The following SLCO1B1 variants were observed in gnomAD, a reference collection of about 807,000 sequenced individuals.
SLCO1B1 encodes OATP-2.
SLCO1B1 carries 81 observed loss-of-function variants against 70.1 expected under a neutral mutation model. The observed-to-expected ratio is 1.16, with a 90% confidence interval of 0.97 to 1.39. SLCO1B1 has a LOEUF of 1.39. Ranked by LOEUF, SLCO1B1 falls within the 40% of genes most tolerant of loss-of-function variation. The pLI, the probability that SLCO1B1 is intolerant of heterozygous loss-of-function variation, is 0.00. For synonymous variants in SLCO1B1, 283 were observed against 271.5 expected, an observed-to-expected ratio of 1.04 and a Z score of -0.42; for missense variants, 895 against 799.6, an observed-to-expected ratio of 1.12 and a Z score of -1.44.
rs534631301 is a variant in SLCO1B1 at position 21,201,974 on chromosome 12, C to T, written c.1136-517C>T. Among the ~76,000 whole-genome samples the T allele has an allele frequency of 1.1e-4, 16 of 152,106 alleles. No individual in the cohort carries two copies. In the South Asian group the frequency reaches 3.3e-3, roughly 32 times the overall value. On this transcript the variant is annotated intron_variant, in intron 9 of 14. Transcript: ENST00000256958. ...GGAACCAACCCAAATGACCACCAAT[C>T]ATAGACTGGATAAAGAAAATGTGGC...
intron 2 of SLCO1B1, 50 bp downstream of exon 2, chr12:21,141,708 T>G (rs1318131980): frequency 7.8e-6 from 9 of 1,156,278 alleles, no homozygotes; most frequent in Non-Finnish European, 1.0e-5. Context: ...TAGGGAACTT[T>G]AATGTATAGA....
chr12:21,155,295 A>G (rs544113007), intron 2 of SLCO1B1, among the ~76,000 whole-genome samples: 13 of 151,898 alleles, frequency 8.6e-5, no homozygotes, highest in South Asian at 6.2e-4. Flanking sequence ...GAAATAACCA[A>G]TTTTATTTTC....
intron 11 of SLCO1B1, 91 bp downstream of exon 11, chr12:21,206,124 C>T: frequency 9.4e-7 from 1 of 1,062,338 alleles, no homozygotes; most frequent in Non-Finnish European, 1.4e-6. Context: ...ACTAAGGACT[C>T]CATTAAAAAG....
intron 11 of SLCO1B1, among the ~76,000 whole-genome samples, chr12:21,216,494 A>G (rs1400781938): frequency 1.3e-5 from 2 of 152,138 alleles, no homozygotes; most frequent in Non-Finnish European, 2.9e-5. Flanking sequence ...TTGTTTCTAC[A>G]TTTTCCACTT....
chr12:21,147,881 C>G (rs1940409396), intron 2 of SLCO1B1, among the ~76,000 whole-genome samples: 1 of 152,148 alleles, frequency 6.6e-6, no homozygotes, highest in Non-Finnish European at 1.5e-5. Flanking sequence ...CTGTTGTTTC[C>G]TGACTTTTTA....
At chr12:21,205,255 C>T (rs1444840819) in intron 10 of SLCO1B1, among the ~76,000 whole-genome samples, 1 of 151,720 alleles carries the variant, frequency 6.6e-6, no homozygotes, top group Non-Finnish European at 1.5e-5. Flanking sequence ...TAATTTATAA[C>T]CATTTCATAA....
rs1428928942 is a variant in SLCO1B1 at position 21,224,704 on chromosome 12, T to C, written c.1748-18T>C. The C allele has an allele frequency of 7.4e-7, 1 of 1,358,824 alleles. No individual in the cohort carries two copies. Among genetic ancestry groups the C allele is most frequent in the Admixed American group, 1.7e-5 (1 of 59,628 alleles). The allele number at this position is 1,358,824 out of a possible 1,614,324, so 84.2% of individuals were successfully genotyped here. ...AAATATGTTCCCTAAACTGACATCT[T>C]CTCTTCTCCTATTACAGGAGGAATT... On this transcript the variant is annotated intron_variant, in intron 13 of 14. Transcript: ENST00000256958.
At chr12:21,218,790 T>C (rs1479900575) in intron 12 of SLCO1B1, among the ~76,000 whole-genome samples, 1 of 152,222 alleles carries the variant, frequency 6.6e-6, no homozygotes, top group Admixed American at 6.5e-5. Context: ...CATATCTGTT[T>C]CAGAAATTGA....
Position 21,218,624 on chromosome 12 carries a change from AAGG to A in SLCO1B1, c.1682+1324_1682+1326del, listed in dbSNP as rs549472115. ...TTAATATAAAATGTTGTCTACTCAA[AAGG>A]AGAAGTCTTTCATATTTGCCAAATT... On this transcript the variant is annotated intron_variant, in intron 12 of 14. Transcript: ENST00000256958. Among the ~76,000 whole-genome samples the A allele has an allele frequency of 3.5e-4, 54 of 152,292 alleles. 1 individual carries two copies. In the East Asian group the frequency reaches 8.9e-3, roughly 25 times the overall value.
chr12:21,174,252 G>T (rs1427124518), intron 3 of SLCO1B1, among the ~76,000 whole-genome samples: 2 of 152,166 alleles, frequency 1.3e-5, no homozygotes, highest in Admixed American at 6.5e-5. Flanking sequence ...AATAAATAAA[G>T]AAACGCATGA....
intron 2 of SLCO1B1, among the ~76,000 whole-genome samples, chr12:21,166,059 A>G (rs929855328): frequency 2.0e-5 from 3 of 152,150 alleles, no homozygotes; most frequent in African/African-American, 7.2e-5. Context: ...GTGGGACACT[A>G]TCAGGTGAAC....
At chr12:21,236,670 T>C (rs780589093) in intron 14 of SLCO1B1, among the ~76,000 whole-genome samples, 1 of 152,198 alleles carries the variant, frequency 6.6e-6, no homozygotes, top group African/African-American at 2.4e-5. Flanking sequence ...GGGTTGATTA[T>C]TACCAGGCTT....
chr12:21,198,486 G>A (rs952183574), intron 8 of SLCO1B1, among the ~76,000 whole-genome samples: 7 of 151,982 alleles, frequency 4.6e-5, no homozygotes, highest in African/African-American at 1.4e-4. Flanking sequence ...TAAGGAGCGG[G>A]GTTGACTGTG....
At chr12:21,174,523 T>G in intron 3 of SLCO1B1, 54 bp from the exon 4 acceptor site, 1 of 1,588,632 alleles carries the variant, frequency 6.3e-7, no homozygotes, top group Non-Finnish European at 8.6e-7. Context: ...GGTTTTCAAT[T>G]CTAGACGCAA....
chr12:21,146,510 AT>A (rs1389310195), intron 2 of SLCO1B1, among the ~76,000 whole-genome samples: 11 of 151,222 alleles, frequency 7.3e-5, no homozygotes, highest in African/African-American at 2.7e-4. Flanking sequence ...TTTCTTTTTG[AT>A]TTTCCCAAGG....
At chr12:21,203,972 T>A (rs1941185786) in intron 10 of SLCO1B1, among the ~76,000 whole-genome samples, 1 of 152,004 alleles carries the variant, frequency 6.6e-6, no homozygotes, top group South Asian at 2.1e-4. Context: ...GGCAGCAGAG[T>A]TAAACAGAAT....
At chr12:21,229,905 A>C (rs188953188) in intron 14 of SLCO1B1, among the ~76,000 whole-genome samples, 3 of 152,256 alleles carry the variant, frequency 2.0e-5, no homozygotes, top group Non-Finnish European at 2.9e-5. Context: ...CCATGTTGAA[A>C]AACAGTGGTG....
chr12:21,161,520 G>T (rs1940619506), intron 2 of SLCO1B1, among the ~76,000 whole-genome samples: 1 of 152,080 alleles, frequency 6.6e-6, no homozygotes, highest in Non-Finnish European at 1.5e-5. Flanking sequence ...AGGTTGGAGG[G>T]TGGAGGGTGG....
chr12:21,135,612 C>T lies in SLCO1B1; in HGVS notation c.-62+4376C>T, dbSNP rs183492757. Among the ~76,000 whole-genome samples, 805 of 152,192 alleles carry T rather than the reference C, an allele frequency of 5.3e-3. 12 individuals carry two copies. Among genetic ancestry groups the T allele is most frequent in the African/African-American group, 0.018 (766 of 41,516 alleles). On this transcript the variant is annotated intron_variant, in intron 1 of 14. Transcript: ENST00000256958. Reference sequence around the variant, plus strand: ...AATGGCCTTCTTTGTCTCTTTTGATCTTTGTTGGTATAAAGTCTGTTTTAT... The same window carrying T: ...AATGGCCTTCTTTGTCTCTTTTGATTTTTGTTGGTATAAAGTCTGTTTTAT...
Sources: gnomAD v4.1 joint callset for allele counts (sites outside exome capture counted in the v4.1 genomes callset) on GRCh38, gnomAD v4.1.1 for gene constraint, MANE v1.5 for transcripts, NCBI Gene and HGNC (gene_info 2026-07-23, HGNC 2026-07-21) for gene names.